The following CTNNA1 variants were observed in gnomAD, a reference collection of about 807,000 sequenced individuals.
The protein encoded by CTNNA1 is catenin alpha-1.
Under a neutral mutation model 98.4 loss-of-function variants are expected in CTNNA1, and 37 were observed. The observed-to-expected ratio is 0.38, with a 90% CI of 0.29 to 0.49. The LOEUF is 0.49. Among genes scored for constraint, CTNNA1 ranks in the 20% least tolerant of loss-of-function variants. CTNNA1 has a pLI of 0.95. For synonymous variants in CTNNA1, 404 were observed against 413.2 expected, an observed-to-expected ratio of 0.98 and a Z score of 0.27; for missense variants, 761 against 1,147.2, an observed-to-expected ratio of 0.66 and a Z score of 4.86.
Position 138,934,736 on chromosome 5 carries a change from AAC to A in CTNNA1, c.*652_*653del, listed in dbSNP as rs1053180582. 2.0e-5 allele frequency: 3 copies of A among 152,710 alleles called. No homozygotes were observed. The highest frequency in any genetic ancestry group is 7.2e-5 in the African/African-American group (3 of 41,458). The allele number at this position is 152,710 out of a possible 1,614,324, so 9.5% of individuals were successfully genotyped here. A position where few individuals can be genotyped will look rare whatever the true frequency, so the allele number is the denominator to read the frequency against. On this transcript the variant is annotated 3_prime_UTR_variant, in exon 18 of 18. Transcript: ENST00000302763. ...TACAGTGTCTCGATGCCATAATCAGAACACACTTTTTTTCCTCTTTCTCCCAG... is the reference window on the plus strand; with the variant it reads ...TACAGTGTCTCGATGCCATAATCAGAACACTTTTTTTCCTCTTTCTCCCAG...
At chr5:138,878,248 G>A (rs1752090676) in intron 7 of CTNNA1, among the ~76,000 whole-genome samples, 1 of 152,192 alleles carries the variant, frequency 6.6e-6, no homozygotes, top group South Asian at 2.1e-4. Flanking sequence ...TTGGGTTCAA[G>A]AGGTTCAGGC....
At chr5:138,843,243 G>T (rs1172751220) in intron 7 of CTNNA1, among the ~76,000 whole-genome samples, 1 of 152,194 alleles carries the variant, frequency 6.6e-6, no homozygotes, top group African/African-American at 2.4e-5. Flanking sequence ...GATTTTTAAA[G>T]TTTGGTAATG....
intron 3 of CTNNA1, among the ~76,000 whole-genome samples, chr5:138,805,552 C>A (rs965277868): frequency 2.6e-5 from 4 of 151,930 alleles, no homozygotes; most frequent in African/African-American, 9.7e-5. Context: ...ATTTCTAAAT[C>A]TTCAGACAGG....
intron 1 of CTNNA1, among the ~76,000 whole-genome samples, chr5:138,773,777 C>G (rs1022535807): frequency 4.0e-5 from 6 of 151,348 alleles, no homozygotes; most frequent in African/African-American, 1.5e-4. Flanking sequence ...GTGGCAAGAT[C>G]ATGGCTCATT....
intron 1 of CTNNA1, among the ~76,000 whole-genome samples, chr5:138,774,812 G>A (rs1331906366): frequency 6.6e-6 from 1 of 151,692 alleles, no homozygotes; most frequent in South Asian, 2.1e-4. Context: ...TAGTAGAGAC[G>A]GGGTTTCACC....
chr5:138,764,643 G>A (rs1752713561), intron 1 of CTNNA1, among the ~76,000 whole-genome samples: 1 of 150,612 alleles, frequency 6.6e-6, no homozygotes, highest in East Asian at 2.0e-4. Flanking sequence ...GGCTGATTTT[G>A]TATTTTTATT....
chr5:138,875,484 T>C, intron 7 of CTNNA1: 1 of 985,474 alleles, frequency 1.0e-6, no homozygotes, highest in Non-Finnish European at 1.2e-6. Context: ...GACCCCCTGA[T>C]TACAATAAAG....
At position 138,865,801 on chromosome 5, in the gene CTNNA1, T is replaced by C. The variant is rs869312561; in HGVS notation, c.1063-20411T>C. Among the ~76,000 whole-genome samples, 2 of 152,230 alleles carry C rather than the reference T, an allele frequency of 1.3e-5. No individual in the cohort carries two copies. Among genetic ancestry groups the C allele is most frequent in the South Asian group, 4.1e-4 (2 of 4,830 alleles). On this transcript the variant is annotated intron_variant, in intron 7 of 17. Transcript: ENST00000302763. ...TCCTGCTTTTGATCTTTTTATATCT[T>C]TATTTCACTATTCTGTACATAGTTT...
At chr5:138,875,895 G>A (rs1451618095) in intron 7 of CTNNA1, among the ~76,000 whole-genome samples, 3 of 152,156 alleles carry the variant, frequency 2.0e-5, no homozygotes, top group Admixed American at 2.0e-4. Flanking sequence ...CATTATAAAC[G>A]AAGAATAAAG....
chr5:138,901,008 G>T (rs1207204712), intron 9 of CTNNA1, among the ~76,000 whole-genome samples: 1 of 152,114 alleles, frequency 6.6e-6, no homozygotes, highest in Admixed American at 6.6e-5. Flanking sequence ...ACTGTGGTAG[G>T]AAAGATAATA....
At chr5:138,767,056 G>T (rs1018362419) in intron 1 of CTNNA1, among the ~76,000 whole-genome samples, 17 of 145,654 alleles carry the variant, frequency 1.2e-4, no homozygotes, top group African/African-American at 4.4e-4. Flanking sequence ...TTTTTTTTGA[G>T]ACAAGAGTCT....
chr5:138,798,593 G>A (rs558025982), intron 3 of CTNNA1, among the ~76,000 whole-genome samples: 7 of 152,206 alleles, frequency 4.6e-5, no homozygotes, highest in Admixed American at 1.3e-4. Context: ...GATATTTGAT[G>A]CTTCAAAAAC....
chr5:138,825,482 G>GTTTTTT lies in CTNNA1; in HGVS notation c.858+694_858+699dup, dbSNP rs756586452. 7.7e-3 allele frequency among the ~76,000 whole-genome samples: 567 copies of GTTTTTT among 74,098 alleles called. 59 individuals carry two copies. Among genetic ancestry groups the GTTTTTT allele is most frequent in the African/African-American group, 0.024 (419 of 17,282 alleles). 48.6% of individuals were successfully genotyped at this position (74,098 alleles called of 152,430 possible). ...CTTCCAGTAGATGGCAGCAGTATAAGTTTTTTTTTTTTTTTTAGGGCTTTA... is the reference window on the plus strand; with the variant it reads ...CTTCCAGTAGATGGCAGCAGTATAAGTTTTTTTTTTTTTTTTTTTTTTAGGGCTTTA... On this transcript the variant is annotated intron_variant, in intron 6 of 17. Transcript: ENST00000302763.
intron 3 of CTNNA1, among the ~76,000 whole-genome samples, chr5:138,796,501 G>A (rs1214548611): frequency 6.6e-6 from 1 of 150,824 alleles, no homozygotes; most frequent in African/African-American, 2.4e-5. Flanking sequence ...CCTAGATCGC[G>A]CCACTGCACT....
At chr5:138,853,198 C>T (rs554342298) in intron 7 of CTNNA1, among the ~76,000 whole-genome samples, 1 of 151,880 alleles carries the variant, frequency 6.6e-6, no homozygotes, top group Admixed American at 6.5e-5. Context: ...CCTCCCGCCT[C>T]GGCCTCCCAA....
At chr5:138,920,317 T>C (rs564993323) in intron 11 of CTNNA1, among the ~76,000 whole-genome samples, 2 of 152,330 alleles carry the variant, frequency 1.3e-5, no homozygotes, top group South Asian at 2.1e-4. Context: ...ACTAGAGATA[T>C]TTCCCCATCG....
At chr5:138,778,437 C>T (rs1382232777) in intron 1 of CTNNA1, among the ~76,000 whole-genome samples, 7 of 152,260 alleles carry the variant, frequency 4.6e-5, no homozygotes, top group Middle Eastern at 3.4e-3. Flanking sequence ...CTCAGTGCAT[C>T]GTGTTAGGAG....
At chr5:138,911,716 G>A (rs998662651) in intron 10 of CTNNA1, among the ~76,000 whole-genome samples, 7 of 152,190 alleles carry the variant, frequency 4.6e-5, no homozygotes, top group African/African-American at 1.7e-4. Flanking sequence ...TAAGATAATA[G>A]ATTTGTGTTG....
At chr5:138,926,740 C>T (rs564175453) in intron 13 of CTNNA1, among the ~76,000 whole-genome samples, 1 of 152,288 alleles carries the variant, frequency 6.6e-6, no homozygotes, top group South Asian at 2.1e-4. Flanking sequence ...AAAAAAAAGT[C>T]TCTTGACCCA....
Sources: gnomAD v4.1 joint callset for allele counts (sites outside exome capture counted in the v4.1 genomes callset) on GRCh38, gnomAD v4.1.1 for gene constraint, MANE v1.5 for transcripts, NCBI Gene and HGNC (gene_info 2026-07-23, HGNC 2026-07-21) for gene names.